Variants in CCDC192 observed in about 807,000 individuals in gnomAD.
CCDC192 encodes coiled-coil domain-containing protein 192.
intron 3 of CCDC192, among the ~76,000 whole-genome samples, chr5:127,779,242 T>C (rs1756047460): frequency 1.3e-5 from 2 of 152,190 alleles, no homozygotes; most frequent in Admixed American, 1.3e-4. Flanking sequence ...TTTCTATATA[T>C]ATAGATACAT....
At chr5:127,866,413 GA>G (rs1454086318) in intron 5 of CCDC192, among the ~76,000 whole-genome samples, 1 of 149,512 alleles carries the variant, frequency 6.7e-6, no homozygotes, top group African/African-American at 2.5e-5. Context: ...ATTTTCTTAG[GA>G]AAAAACTTAG....
At chr5:127,862,655 A>C (rs1346932488) in intron 5 of CCDC192, among the ~76,000 whole-genome samples, 2 of 152,098 alleles carry the variant, frequency 1.3e-5, no homozygotes, top group African/African-American at 2.4e-5. Context: ...AAACCTTAGC[A>C]CCTCTTTTTC....
chr5:127,933,193 C>T (rs114195409), intron 6 of CCDC192, among the ~76,000 whole-genome samples: 2 of 152,292 alleles, frequency 1.3e-5, no homozygotes, highest in African/African-American at 4.8e-5. Flanking sequence ...TCCCAGATCA[C>T]ATAGGGCCTT....
intron 3 of CCDC192, among the ~76,000 whole-genome samples, chr5:127,790,738 G>T (rs1016644704): frequency 2.0e-5 from 3 of 152,136 alleles, no homozygotes; most frequent in Admixed American, 2.0e-4. Flanking sequence ...TTAATTATGG[G>T]ATAGCAAACA....
intron 5 of CCDC192, among the ~76,000 whole-genome samples, chr5:127,863,471 TG>T (rs1336918085): frequency 6.6e-6 from 1 of 152,236 alleles, no homozygotes; most frequent in African/African-American, 2.4e-5. Context: ...AAATACTGTG[TG>T]ATTCCACTTA....
intron 3 of CCDC192, among the ~76,000 whole-genome samples, chr5:127,767,956 T>C (rs1755324640): frequency 6.6e-6 from 1 of 152,088 alleles, no homozygotes; most frequent in Non-Finnish European, 1.5e-5. Context: ...CACATGTAAG[T>C]AGTAAAGATA....
rs555457924 is a variant in CCDC192 at position 127,713,624 on chromosome 5, A to C, written c.114+5864A>C. On this transcript the variant is annotated intron_variant, in intron 2 of 6. Transcript: ENST00000514853. ...ACGCTTTGACATCTGATCTAAAAAA[A>C]TCTTTGCCCGAGGCTACAAATATTT... 5.9e-5 allele frequency among the ~76,000 whole-genome samples: 9 copies of C among 152,330 alleles called. No individual in the cohort carries two copies. The East Asian group carries it at 1.7e-3, about 29-fold the overall frequency.
intron 5 of CCDC192, among the ~76,000 whole-genome samples, chr5:127,825,594 G>A (rs887027104): frequency 6.6e-6 from 1 of 152,170 alleles, no homozygotes; most frequent in African/African-American, 2.4e-5. Context: ...CACACCCCTA[G>A]GTGCTTCTGG....
chr5:127,915,350 A>C (rs1753489767), intron 6 of CCDC192, among the ~76,000 whole-genome samples: 1 of 152,210 alleles, frequency 6.6e-6, no homozygotes, highest in African/African-American at 2.4e-5. Flanking sequence ...AGCCCAGGAC[A>C]GTTCTGAATG....
chr5:127,776,143 AG>A (rs1755844545), intron 3 of CCDC192, among the ~76,000 whole-genome samples: 1 of 152,258 alleles, frequency 6.6e-6, no homozygotes, highest in East Asian at 1.9e-4. Flanking sequence ...AGAAGAAGAT[AG>A]GAAAATGTGA....
intron 6 of CCDC192, among the ~76,000 whole-genome samples, chr5:127,929,586 C>T (rs185188096): frequency 7.9e-5 from 12 of 152,310 alleles, no homozygotes; most frequent in Admixed American, 2.6e-4. Context: ...CTCTGTACAA[C>T]GCCCATTCCT....
At chr5:127,769,603 G>A (rs190000911) in intron 3 of CCDC192, among the ~76,000 whole-genome samples, 1 of 152,272 alleles carries the variant, frequency 6.6e-6, no homozygotes, top group East Asian at 1.9e-4. Context: ...ATTTGAAGAA[G>A]AGGAAAATCC....
At chr5:127,881,671 C>T (rs1259670185) in intron 6 of CCDC192, among the ~76,000 whole-genome samples, 1 of 152,168 alleles carries the variant, frequency 6.6e-6, no homozygotes, top group African/African-American at 2.4e-5. Flanking sequence ...CGATTTAAGT[C>T]GATGGAAAGT....
At chr5:127,802,159 C>T (rs1757539129) in intron 5 of CCDC192, among the ~76,000 whole-genome samples, 1 of 152,192 alleles carries the variant, frequency 6.6e-6, no homozygotes, top group South Asian at 2.1e-4. Context: ...GTTTATATAT[C>T]CGTTACCCAC....
At chr5:127,709,118 AGAGAGG>A (rs1554067161) in intron 2 of CCDC192, among the ~76,000 whole-genome samples, 6 of 125,882 alleles carry the variant, frequency 4.8e-5, no homozygotes, top group Admixed American at 8.4e-5. Context: ...AGAGAGAGAG[AGAGAGG>A]GAGAGGGAGA....
intron 5 of CCDC192, among the ~76,000 whole-genome samples, chr5:127,871,129 C>T (rs1751840570): frequency 6.6e-6 from 1 of 152,198 alleles, no homozygotes; most frequent in African/African-American, 2.4e-5. Context: ...GTGCTCCTCA[C>T]ATCATTACAC....
intron 3 of CCDC192, among the ~76,000 whole-genome samples, chr5:127,772,830 GT>G (rs1755641446): frequency 6.6e-6 from 1 of 152,124 alleles, no homozygotes; most frequent in Non-Finnish European, 1.5e-5. Flanking sequence ...TTGGGTTTTA[GT>G]TAGCAAGAGA....
intron 5 of CCDC192, among the ~76,000 whole-genome samples, chr5:127,821,301 G>A (rs1398686749): frequency 6.6e-6 from 1 of 152,156 alleles, no homozygotes; most frequent in Non-Finnish European, 1.5e-5. Flanking sequence ...CTGGCTTCAG[G>A]CTGCCACTGA....
At chr5:127,776,236 G>C (rs1755849906) in intron 3 of CCDC192, among the ~76,000 whole-genome samples, 1 of 152,218 alleles carries the variant, frequency 6.6e-6, no homozygotes. Context: ...GGTGGTCTCA[G>C]ATGGAGATGA....
Sources: allele counts gnomAD v4.1 joint callset (sites outside exome capture counted in the v4.1 genomes callset), GRCh38; gene constraint gnomAD v4.1.1; transcripts MANE v1.5; gene names NCBI Gene and HGNC (gene_info 2026-07-23, HGNC 2026-07-21).